Variants in HMGB1 observed in about 807,000 individuals in gnomAD.
HMGB1 encodes the protein high mobility group protein B1.
For synonymous variants in HMGB1, 81 were observed against 84.0 expected (o/e 0.96, Z 0.19); for missense variants, 79 against 253.5 (o/e 0.31, Z 4.67).
At chr13:30,582,780 T>C (rs1593325929) in intron 1 of HMGB1, among the ~76,000 whole-genome samples, 1 of 152,348 alleles carries the variant, frequency 6.6e-6, no homozygotes, top group South Asian at 2.1e-4. Context: ...ATTTAACAAA[T>C]GTTTCTGCTG....
At chr13:30,534,005 C>A (rs1220336401) in intron 1 of HMGB1, among the ~76,000 whole-genome samples, 1 of 151,996 alleles carries the variant, frequency 6.6e-6, no homozygotes, top group African/African-American at 2.4e-5. Flanking sequence ...GCTGGGATTA[C>A]AGGCATGCAC....
chr13:30,604,150 T>C (rs1464977020), intron 1 of HMGB1, among the ~76,000 whole-genome samples: 2 of 150,086 alleles, frequency 1.3e-5, no homozygotes, highest in Non-Finnish European at 3.0e-5. Context: ...GCTCTCCAAG[T>C]TGGGGGGTGG....
intron 1 of HMGB1, among the ~76,000 whole-genome samples, chr13:30,598,310 A>AAGT (rs1871707003): frequency 1.3e-5 from 2 of 152,258 alleles, no homozygotes; most frequent in South Asian, 4.1e-4. Context: ...CATATACAGA[A>AAGT]AGTAGGGCAA....
In HMGB1 at chr13:30,602,490, A is replaced by G. The variant is rs78343247; in HGVS notation, c.-15+14181T>C. ...TTCGACTAAAAACATGTTCATTTAC[A>G]ATACTAAATTAGAAGTGTAAGAATG... is the stretch of plus-strand genomic sequence containing the variant. On this transcript the variant is annotated intron_variant, in intron 1 of 4. Coordinates refer to the HMGB1 transcript ENST00000405805. Among the ~76,000 whole-genome samples, 457 of 152,398 alleles carry G rather than the reference A, an allele frequency of 3.0e-3. 1 individual carries two copies. The highest frequency in any genetic ancestry group is 5.0e-3 in the Non-Finnish European group (342 of 68,040).
chr13:30,574,134 CAA>C (rs1360415855), intron 1 of HMGB1, among the ~76,000 whole-genome samples: 4 of 152,184 alleles, frequency 2.6e-5, no homozygotes, highest in African/African-American at 9.7e-5. Flanking sequence ...GTGAGATATT[CAA>C]AGTTTAACTC....
chr13:30,509,150 C>G (rs1887934956), intron 1 of HMGB1, among the ~76,000 whole-genome samples: 1 of 152,110 alleles, frequency 6.6e-6, no homozygotes. Flanking sequence ...TTTGCCCAGG[C>G]TGGTCTCTAG....
At chr13:30,471,478 G>C (rs1458820168) in intron 1 of HMGB1, among the ~76,000 whole-genome samples, 1 of 150,804 alleles carries the variant, frequency 6.6e-6, no homozygotes, top group East Asian at 1.9e-4. Context: ...CTCCCAAGTA[G>C]CAGAGATTAT....
chr13:30,491,003 A>G (rs1887478059), intron 1 of HMGB1, among the ~76,000 whole-genome samples: 1 of 152,080 alleles, frequency 6.6e-6, no homozygotes, highest in South Asian at 2.1e-4. Context: ...ATTTTCAACA[A>G]AGTTGGTAAG....
chr13:30,543,671 G>T (rs1389229194), intron 1 of HMGB1, among the ~76,000 whole-genome samples: 2 of 152,088 alleles, frequency 1.3e-5, no homozygotes, highest in South Asian at 2.1e-4. Flanking sequence ...CCAGGGAGAG[G>T]GTGTGTCTGA....
At position 30,570,003 on chromosome 13, in the gene HMGB1, C is replaced by A. The variant is rs114875626; in HGVS notation, c.-15+46668G>T. Among the ~76,000 whole-genome samples the A allele has an allele frequency of 2.0e-5, 3 of 152,230 alleles. No individual in the cohort carries two copies. In the South Asian group the frequency reaches 6.2e-4, roughly 32 times the overall value. On this transcript the variant is annotated intron_variant, in intron 1 of 4. Coordinates refer to the HMGB1 transcript ENST00000405805. ...TGCATGGGCTTTGGTAGGAGGAAGA[C>A]GAGAGAAAGCAGAACAGATTATTAC...
intron 1 of HMGB1, among the ~76,000 whole-genome samples, chr13:30,568,906 G>A (rs1041003071): frequency 2.6e-5 from 4 of 152,214 alleles, no homozygotes; most frequent in East Asian, 3.8e-4. Context: ...GCCAGGCGTG[G>A]TGGCTCAGAC....
chr13:30,586,039 G>C (rs1871128884), intron 1 of HMGB1, among the ~76,000 whole-genome samples: 1 of 152,084 alleles, frequency 6.6e-6, no homozygotes. Context: ...GCCAAATCCA[G>C]CAGACACCTC....
intron 3 of HMGB1, 76 bp downstream of exon 3, chr13:30,463,131 C>A: frequency 7.1e-7 from 1 of 1,400,044 alleles, no homozygotes; most frequent in Non-Finnish European, 9.9e-7. Flanking sequence ...TCTAAACTGA[C>A]AAAGTAGCTT....
At chr13:30,471,815 C>T (rs1268260357) in intron 1 of HMGB1, among the ~76,000 whole-genome samples, 10 of 151,092 alleles carry the variant, frequency 6.6e-5, no homozygotes, top group Non-Finnish European at 8.8e-5. Context: ...ATTACAGGCA[C>T]GCACCACCAC....
chr13:30,472,475 C>A (rs1419982883), intron 1 of HMGB1, among the ~76,000 whole-genome samples: 2 of 152,168 alleles, frequency 1.3e-5, no homozygotes, highest in Non-Finnish European at 2.9e-5. Flanking sequence ...GTGGCGCACA[C>A]CTGTACTCCC....
At chr13:30,539,034 T>C (rs547288194) in intron 1 of HMGB1, among the ~76,000 whole-genome samples, 23 of 152,142 alleles carry the variant, frequency 1.5e-4, no homozygotes, top group African/African-American at 5.5e-4. Context: ...GTAGCTGGGA[T>C]TACAGGTGCC....
At chr13:30,538,549 CTTTCTTTT>C (rs1868616747) in intron 1 of HMGB1, among the ~76,000 whole-genome samples, 1 of 78,802 alleles carries the variant, frequency 1.3e-5, no homozygotes, top group African/African-American at 8.1e-5. Context: ...TTCTTTCTTT[CTTTCTTTT>C]TCTTTCTTCT....
At chr13:30,554,255 T>C in intron 1 of HMGB1, 1 of 1,415,228 alleles carries the variant, frequency 7.1e-7, no homozygotes, top group South Asian at 1.2e-5. Flanking sequence ...TCTCAATTTC[T>C]TGTTGAAAGT....
intron 1 of HMGB1, among the ~76,000 whole-genome samples, chr13:30,514,143 A>G (rs1307077891): frequency 6.6e-6 from 1 of 152,032 alleles, no homozygotes; most frequent in African/African-American, 2.4e-5. Flanking sequence ...GAAGTCATCT[A>G]ACTGGTTCTT....
Sources: gnomAD v4.1 joint callset for allele counts (sites outside exome capture counted in the v4.1 genomes callset) on GRCh38, gnomAD v4.1.1 for gene constraint, MANE v1.5 for transcripts, NCBI Gene and HGNC (gene_info 2026-07-23, HGNC 2026-07-21) for gene names.